The following STIM2 variants were observed in gnomAD, a reference collection of about 807,000 sequenced individuals.
STIM2 encodes stromal interaction molecule 2.
In STIM2, 31 loss-of-function variants were observed where a neutral mutation model predicts 85.8. That is an observed-to-expected ratio of 0.36 (90% CI 0.27 to 0.49). The LOEUF (loss-of-function observed/expected upper bound fraction) is 0.49, where lower values mean the gene tolerates loss of function less well. Among genes scored for constraint, STIM2 ranks in the 20% least tolerant of loss-of-function variants. The probability of loss-of-function intolerance (pLI) is 0.98; values close to 1 mark genes in which losing one functional copy is unlikely to be tolerated. For missense variants in STIM2, 841 were observed against 927.6 expected (o/e 0.91, Z 1.21); for synonymous variants, 356 against 331.1 (o/e 1.08, Z -0.82).
At chr4:26,929,271 C>G (rs1725111536) in intron 2 of STIM2, among the ~76,000 whole-genome samples, 1 of 152,086 alleles carries the variant, frequency 6.6e-6, no homozygotes, top group South Asian at 2.1e-4. Context: ...TAGCACTGAT[C>G]TAGGCTCTGT....
intron 3 of STIM2, among the ~76,000 whole-genome samples, chr4:26,987,980 G>T (rs927584096): frequency 1.3e-5 from 2 of 152,196 alleles, no homozygotes; most frequent in Non-Finnish European, 2.9e-5. Context: ...CAGTTATTCT[G>T]TGTGACCATG....
intron 1 of STIM2, among the ~76,000 whole-genome samples, chr4:26,902,599 C>T (rs776015973): frequency 5.3e-5 from 8 of 152,188 alleles, no homozygotes; most frequent in Non-Finnish European, 1.2e-4. Flanking sequence ...TTGAAATGAT[C>T]AGCACTGTTT....
intron 1 of STIM2, among the ~76,000 whole-genome samples, chr4:26,870,762 T>C (rs1267603842): frequency 1.3e-5 from 2 of 152,196 alleles, no homozygotes; most frequent in Non-Finnish European, 2.9e-5. Flanking sequence ...CTAGAAGGCA[T>C]ACCCACTTAA....
chr4:26,930,387 A>AT (rs751861646), intron 2 of STIM2, among the ~76,000 whole-genome samples: 40 of 151,114 alleles, frequency 2.6e-4, no homozygotes, highest in East Asian at 1.2e-3. Flanking sequence ...TTGAATGAAC[A>AT]TTTTTTTCAT....
chr4:26,871,703 C>CG (rs1577406230), intron 1 of STIM2, among the ~76,000 whole-genome samples: 1 of 128,468 alleles, frequency 7.8e-6, no homozygotes. Context: ...CTGTTTTCAC[C>CG]CTTTTTTTTT....
At chr4:26,967,933 A>G (rs1208246777) in intron 3 of STIM2, among the ~76,000 whole-genome samples, 1 of 152,112 alleles carries the variant, frequency 6.6e-6, no homozygotes, top group Admixed American at 6.6e-5. Flanking sequence ...GGCAAGAATA[A>G]AATCATTATT....
chr4:26,997,239 T>C (rs1727990001), intron 4 of STIM2, among the ~76,000 whole-genome samples: 1 of 152,166 alleles, frequency 6.6e-6, no homozygotes, highest in South Asian at 2.1e-4. Context: ...GTTACAAGAA[T>C]GTATAAGAAA....
chr4:26,862,318 GT>G (rs71186494), intron 1 of STIM2, among the ~76,000 whole-genome samples: 44,209 of 145,332 alleles, frequency 0.3, 6,672 homozygotes, highest in African/African-American at 0.37. Flanking sequence ...TAAAATAATG[GT>G]TTTTTTTTTT....
chr4:26,963,949 A>G (rs1726583221), intron 3 of STIM2, among the ~76,000 whole-genome samples: 1 of 152,216 alleles, frequency 6.6e-6, no homozygotes, highest in Non-Finnish European at 1.5e-5. Context: ...TAACCATCTC[A>G]TGTCTTAGTT....
chr4:26,919,782 C>T, intron 2 of STIM2, 148 bp downstream of exon 2: 1 of 941,640 alleles, frequency 1.1e-6, no homozygotes, highest in Non-Finnish European at 1.5e-6. Context: ...TAATTTTACC[C>T]TTAATAAACA....
intron 1 of STIM2, among the ~76,000 whole-genome samples, chr4:26,892,341 T>C (rs957472532): frequency 3.9e-5 from 6 of 152,194 alleles, no homozygotes; most frequent in African/African-American, 1.4e-4. Flanking sequence ...GTGAGGGCAC[T>C]CTTCTGTTTT....
intron 1 of STIM2, among the ~76,000 whole-genome samples, chr4:26,911,074 T>C (rs1298850309): frequency 1.3e-5 from 2 of 151,726 alleles, no homozygotes; most frequent in Non-Finnish European, 2.9e-5. Flanking sequence ...CCATCTCTAC[T>C]AAAAATACAA....
At chr4:26,939,869 A>G (rs1487856892) in intron 2 of STIM2, among the ~76,000 whole-genome samples, 2 of 152,194 alleles carry the variant, frequency 1.3e-5, no homozygotes, top group Admixed American at 6.5e-5. Flanking sequence ...TATAGGCCCC[A>G]TGAGTTAACT....
chr4:27,022,435 A>C, intron 11 of STIM2, 84 bp from the exon 12 acceptor site: 1 of 1,119,820 alleles, frequency 8.9e-7, no homozygotes, highest in East Asian at 2.4e-5. Context: ...AAAAGCAATG[A>C]AAGTTGTTTT....
In STIM2 at chr4:26,939,098, G is replaced by A. The variant is rs142730359; in HGVS notation, c.283-18514G>A. Among the ~76,000 whole-genome samples the A allele has an allele frequency of 2.1e-3, 318 of 152,104 alleles. 1 individual carries two copies. Among genetic ancestry groups the A allele is most frequent in the African/African-American group, 7.1e-3 (293 of 41,472 alleles). ...GGACCTCATACCCTGCTTGTTCCCT[G>A]TATTTTGGTTTGAATCTTACCATAC... On this transcript the variant is annotated intron_variant, in intron 2 of 11. Transcript: ENST00000467087.
chr4:26,963,867 A>G (rs1180445269), intron 3 of STIM2, among the ~76,000 whole-genome samples: 2 of 152,206 alleles, frequency 1.3e-5, no homozygotes, highest in African/African-American at 2.4e-5. Flanking sequence ...AAGAGATAAT[A>G]CATTTTTAGT....
intron 3 of STIM2, among the ~76,000 whole-genome samples, chr4:26,986,550 A>G (rs1727593368): frequency 6.6e-6 from 1 of 152,220 alleles, no homozygotes; most frequent in South Asian, 2.1e-4. Context: ...AAGTAAATAC[A>G]TATATTTTAA....
At chr4:26,973,894 A>G (rs1727076834) in intron 3 of STIM2, among the ~76,000 whole-genome samples, 1 of 152,190 alleles carries the variant, frequency 6.6e-6, no homozygotes, top group Non-Finnish European at 1.5e-5. Flanking sequence ...TAGCTCTTTA[A>G]GGACTTGCTT....
chr4:26,918,167 G>A lies in STIM2; in HGVS notation c.152-1337G>A, dbSNP rs1186827677. Reference sequence around the variant, plus strand: ...ATTTTGAATTAAAACTATTAAAAATGTTAAAACACCAAAATATTTTTTCAG... The same window carrying A: ...ATTTTGAATTAAAACTATTAAAAATATTAAAACACCAAAATATTTTTTCAG... On this transcript the variant is annotated intron_variant, in intron 1 of 11. Coordinates refer to ENST00000467087, the MANE Select transcript of STIM2 (RefSeq NM_020860.4). Among the ~76,000 whole-genome samples the A allele has an allele frequency of 2.0e-5, 3 of 148,688 alleles. 1 individual carries two copies. The highest frequency in any genetic ancestry group is 2.0e-4 in the Admixed American group (3 of 14,954).
Sources: allele counts gnomAD v4.1 joint callset (sites outside exome capture counted in the v4.1 genomes callset), GRCh38; gene constraint gnomAD v4.1.1; transcripts MANE v1.5; gene names NCBI Gene and HGNC (gene_info 2026-07-23, HGNC 2026-07-21).